Variants in GPC6 observed in about 807,000 individuals in gnomAD.
GPC6 encodes glypican 6, also known as glypican-6.
Under a neutral mutation model 55.2 loss-of-function variants are expected in GPC6, and 14 were observed. The observed-to-expected ratio is 0.25, with a 90% CI of 0.17 to 0.40. The LOEUF (loss-of-function observed/expected upper bound fraction) is 0.40, where lower values mean the gene tolerates loss of function less well. Among genes scored for constraint, GPC6 ranks in the 10% least tolerant of loss-of-function variants. GPC6 has a pLI of 1.00. For synonymous variants in GPC6, 278 were observed against 259.6 expected (o/e 1.07, Z -0.68); for missense variants, 641 against 708.5 (o/e 0.90, Z 1.08).
At chr13:93,367,312 T>G (rs1443160526) in intron 1 of GPC6, among the ~76,000 whole-genome samples, 3 of 152,212 alleles carry the variant, frequency 2.0e-5, no homozygotes, top group Non-Finnish European at 2.9e-5. Context: ...CCTAGTTTCA[T>G]TTTTGGCATT....
At chr13:93,874,956 T>C (rs935379971) in intron 3 of GPC6, among the ~76,000 whole-genome samples, 2 of 151,996 alleles carry the variant, frequency 1.3e-5, no homozygotes, top group African/African-American at 4.8e-5. Context: ...CACACACGTC[T>C]AGGAGGGAAG....
chr13:93,575,488 G>T (rs1246609816), intron 2 of GPC6, among the ~76,000 whole-genome samples: 1 of 152,100 alleles, frequency 6.6e-6, no homozygotes, highest in East Asian at 1.9e-4. Flanking sequence ...CAGTAGATCT[G>T]GGCTGGGACC....
At chr13:93,911,778 G>A (rs1193458400) in intron 3 of GPC6, among the ~76,000 whole-genome samples, 2 of 152,204 alleles carry the variant, frequency 1.3e-5, no homozygotes, top group Admixed American at 1.3e-4. Flanking sequence ...AAAATTCAAT[G>A]AGAAGTTTGT....
intron 1 of GPC6, among the ~76,000 whole-genome samples, chr13:93,457,793 G>A (rs1878518233): frequency 6.6e-6 from 1 of 151,986 alleles, no homozygotes; most frequent in South Asian, 2.1e-4. Flanking sequence ...ATACTAATGA[G>A]AAGGAGTATA....
At chr13:93,767,342 A>G (rs747559562) in intron 2 of GPC6, among the ~76,000 whole-genome samples, 10 of 152,322 alleles carry the variant, frequency 6.6e-5, no homozygotes, top group Non-Finnish European at 1.3e-4. Context: ...TTTCAGCTCT[A>G]TACCACGGAA....
intron 3 of GPC6, among the ~76,000 whole-genome samples, chr13:93,877,150 A>T (rs1300050489): frequency 1.3e-5 from 2 of 152,130 alleles, no homozygotes; most frequent in Admixed American, 1.3e-4. Context: ...TGGATCGAAT[A>T]TGTTATTAGC....
rs534332012 is a variant in GPC6, at chr13:93,890,317, G to A, written c.711+59772G>A. On this transcript the variant is annotated intron_variant, in intron 3 of 8. Coordinates refer to ENST00000377047, the MANE Select transcript of GPC6 (RefSeq NM_005708.5). ...GGTAATTTCTTGTAGCCATGCACAG[G>A]TTCCTTATCTTAATAGTCTATCACA... is the stretch of plus-strand genomic sequence containing the variant. Among the ~76,000 whole-genome samples, 62 of 152,182 alleles carry A rather than the reference G, an allele frequency of 4.1e-4. 1 individual carries two copies. Among genetic ancestry groups the A allele is most frequent in the African/African-American group, 1.4e-3 (60 of 41,536 alleles).
chr13:93,268,107 G>A (rs1158180074), intron 1 of GPC6, among the ~76,000 whole-genome samples: 2 of 152,082 alleles, frequency 1.3e-5, no homozygotes, highest in South Asian at 2.1e-4. Flanking sequence ...AGCATTTTAT[G>A]TATCATAAAA....
chr13:93,510,845 A>C (rs116398145), intron 1 of GPC6, among the ~76,000 whole-genome samples: 1,988 of 149,100 alleles, frequency 0.013, 41 homozygotes, highest in African/African-American at 0.041. Context: ...TGACCGGGGT[A>C]AGATGATATC....
At chr13:94,104,799 G>C (rs376523112) in intron 4 of GPC6, among the ~76,000 whole-genome samples, 2 of 152,042 alleles carry the variant, frequency 1.3e-5, no homozygotes, top group Admixed American at 1.3e-4. Flanking sequence ...ACAAACGGCT[G>C]CTCAACAAAA....
chr13:93,521,357 C>T (rs916750401), intron 1 of GPC6, among the ~76,000 whole-genome samples: 1 of 151,480 alleles, frequency 6.6e-6, no homozygotes, highest in Non-Finnish European at 1.5e-5. Context: ...TATCTTGATG[C>T]GATAGACCAG....
chr13:93,419,643 A>G (rs2139257332), intron 1 of GPC6, among the ~76,000 whole-genome samples: 1 of 152,276 alleles, frequency 6.6e-6, no homozygotes, highest in Non-Finnish European at 1.5e-5. Flanking sequence ...ATTGAATCCA[A>G]GCCTGTAACA....
At chr13:94,273,038 G>A (rs1015638883) in intron 4 of GPC6, among the ~76,000 whole-genome samples, 6 of 152,176 alleles carry the variant, frequency 3.9e-5, no homozygotes, top group African/African-American at 1.2e-4. Flanking sequence ...AACTTTGTGA[G>A]GAAATAAAAG....
At chr13:94,278,246 T>C (rs12585986) in intron 4 of GPC6, among the ~76,000 whole-genome samples, 1 of 152,158 alleles carries the variant, frequency 6.6e-6, no homozygotes, top group Non-Finnish European at 1.5e-5. Flanking sequence ...TTGTCTATTG[T>C]TGGTATAAAG....
At chr13:94,385,953 A>G (rs2139211911) in intron 7 of GPC6, among the ~76,000 whole-genome samples, 1 of 152,370 alleles carries the variant, frequency 6.6e-6, no homozygotes, top group Middle Eastern at 3.4e-3. Context: ...AGTTACTTTT[A>G]TCACCTATGT....
intron 1 of GPC6, among the ~76,000 whole-genome samples, chr13:93,357,345 C>T (rs1880884306): frequency 6.6e-6 from 1 of 152,074 alleles, no homozygotes; most frequent in East Asian, 1.9e-4. Flanking sequence ...ATATTTTTCC[C>T]CTTTTCATTT....
chr13:93,528,348 T>A (rs2139409420), intron 1 of GPC6, among the ~76,000 whole-genome samples: 2 of 152,244 alleles, frequency 1.3e-5, no homozygotes, highest in South Asian at 2.1e-4. Context: ...AAACTTGAAA[T>A]TGATTGTTTG....
intron 3 of GPC6, among the ~76,000 whole-genome samples, chr13:93,910,274 A>G (rs918668119): frequency 1.3e-5 from 2 of 152,180 alleles, no homozygotes; most frequent in Non-Finnish European, 2.9e-5. Flanking sequence ...GTTTCCCTGC[A>G]CCAGCTATCT....
chr13:94,335,066 G>A (rs1334405616), intron 6 of GPC6, among the ~76,000 whole-genome samples: 1 of 152,184 alleles, frequency 6.6e-6, no homozygotes, highest in Non-Finnish European at 1.5e-5. Flanking sequence ...CAGTCCAGGA[G>A]TGTGCTGCGG....
Sources: gnomAD v4.1 joint callset for allele counts (sites outside exome capture counted in the v4.1 genomes callset) on GRCh38, gnomAD v4.1.1 for gene constraint, MANE v1.5 for transcripts, NCBI Gene and HGNC (gene_info 2026-07-23, HGNC 2026-07-21) for gene names.